The following RERE variants were observed in gnomAD, a reference collection of about 807,000 sequenced individuals.
The protein encoded by RERE is arginine-glutamic acid dipeptide repeats protein.
In RERE, 40 loss-of-function variants were observed where a neutral mutation model predicts 146.1. That is an observed-to-expected ratio of 0.27 (90% CI 0.21 to 0.36). The LOEUF (loss-of-function observed/expected upper bound fraction) is 0.36, where lower values mean the gene tolerates loss of function less well. RERE is among the 10% of genes least tolerant of loss of function. The probability of loss-of-function intolerance (pLI) is 1.00; values close to 1 mark genes in which losing one functional copy is unlikely to be tolerated. For missense variants in RERE, 1,933 were observed against 2,138.7 expected, an observed-to-expected ratio of 0.90 and a Z score of 1.90; for synonymous variants, 1,003 against 866.0, an observed-to-expected ratio of 1.16 and a Z score of -2.78.
chr1:8,683,750 C>T (rs1639026665), intron 1 of RERE, among the ~76,000 whole-genome samples: 1 of 152,172 alleles, frequency 6.6e-6, no homozygotes, highest in Non-Finnish European at 1.5e-5. Flanking sequence ...TGAAACCAAT[C>T]TCACCAACAT....
intron 12 of RERE, among the ~76,000 whole-genome samples, chr1:8,408,973 G>T (rs1439586871): frequency 6.6e-6 from 1 of 152,154 alleles, no homozygotes; most frequent in African/African-American, 2.4e-5. Context: ...TGTGAGGTAG[G>T]AGAATGGTAT....
intron 10 of RERE, among the ~76,000 whole-genome samples, chr1:8,480,118 GCCT>G (rs1162864932): frequency 7.2e-6 from 1 of 138,030 alleles, no homozygotes; most frequent in Non-Finnish European, 1.5e-5. Flanking sequence ...TTTTATTAAA[GCCT>G]TTTTTTGTTT....
At chr1:8,556,624 A>T in intron 5 of RERE, 53 bp from the exon 6 acceptor site, 1 of 1,151,012 alleles carries the variant, frequency 8.7e-7, no homozygotes. Flanking sequence ...CAAAACAAGT[A>T]AAAAAAATTT....
chr1:8,568,937 C>A (rs1646184986), intron 4 of RERE, among the ~76,000 whole-genome samples: 1 of 152,156 alleles, frequency 6.6e-6, no homozygotes, highest in Admixed American at 6.5e-5. Context: ...TACTAAATGT[C>A]AGATTCAGCT....
chr1:8,390,880 C>T (rs183895446), intron 12 of RERE, among the ~76,000 whole-genome samples: 6 of 152,274 alleles, frequency 3.9e-5, no homozygotes, highest in Non-Finnish European at 5.9e-5. Flanking sequence ...CTCTGATTTG[C>T]CACTTCTGAT....
chr1:8,739,674 C>A (rs1011208602), intron 1 of RERE, among the ~76,000 whole-genome samples: 1 of 152,022 alleles, frequency 6.6e-6, no homozygotes, highest in Non-Finnish European at 1.5e-5. Context: ...CAATAACTGA[C>A]ACAAGCACAC....
In RERE at chr1:8,353,376, T is replaced by C. The variant is rs980892917; in HGVS notation, c.*1711A>G. The stretch of plus-strand genomic sequence containing the variant: ...AGCTGCTGGTTTCTAGATCAAACTA[T>C]CAGCATCTCTTCCTGCTCCCTCTGC... On this transcript the variant is annotated 3_prime_UTR_variant, in exon 23 of 23. Transcript: ENST00000400908. 1 of 152,234 alleles carries C rather than the reference T, an allele frequency of 6.6e-6. No homozygotes were observed. Among genetic ancestry groups the C allele is most frequent in the African/African-American group, 2.4e-5 (1 of 41,472 alleles). The allele number at this position is 152,234 out of a possible 1,614,324, so 9.4% of individuals were successfully genotyped here. A position where few individuals can be genotyped will look rare whatever the true frequency, so the allele number is the denominator to read the frequency against.
intron 1 of RERE, among the ~76,000 whole-genome samples, chr1:8,758,234 C>T (rs1038966203): frequency 3.3e-5 from 5 of 151,940 alleles, no homozygotes; most frequent in South Asian, 2.1e-4. Context: ...TACAGGCCTG[C>T]GCCACCATGC....
chr1:8,560,789 G>C (rs1244318764), intron 4 of RERE, among the ~76,000 whole-genome samples: 1 of 152,094 alleles, frequency 6.6e-6, no homozygotes, highest in Non-Finnish European at 1.5e-5. Context: ...ACCAGAACTT[G>C]GTTTCCTACA....
chr1:8,359,736 C>T (rs771521180), intron 19 of RERE, 28 bp downstream of exon 19: 29 of 1,595,706 alleles, frequency 1.8e-5, no homozygotes, highest in Admixed American at 6.7e-5. Context: ...CAGCGCCCCC[C>T]GTCACACCTC....
intron 1 of RERE, among the ~76,000 whole-genome samples, chr1:8,769,463 T>C (rs150425774): frequency 6.6e-6 from 1 of 152,074 alleles, no homozygotes; most frequent in African/African-American, 2.4e-5. Flanking sequence ...CAAACCACTA[T>C]AAAGGATGTA....
rs748973740 is a variant in RERE, at chr1:8,364,178, C to T, written c.1618G>A (p.Gly540Ser). The T allele has an allele frequency of 8.4e-5, 135 of 1,614,126 alleles. No individual in the cohort carries two copies. The highest frequency in any genetic ancestry group is 5.3e-4 in the East Asian group (24 of 44,876). The change falls in exon 15 of 23, where the codon GGT becomes AGT. Residue 540 changes from glycine to serine, a missense_variant. Physicochemically the swap from Gly to Ser is moderately conservative, Grantham distance 56. Transcript: ENST00000400908. The surrounding 1 kb of genome is among the most constrained non-coding windows in gnomAD (Gnocchi z 5.1). ...TDCRIHFKKY[G>S]ELPPIEKPVD... ...GGCTTCTCAATGGGCGGGAGCTCAC[C>T]GTATTTCTTGAAGTGGATGCGACAG...
chr1:8,491,355 G>C (rs536530737), intron 10 of RERE, among the ~76,000 whole-genome samples: 1 of 152,144 alleles, frequency 6.6e-6, no homozygotes, highest in Non-Finnish European at 1.5e-5. Flanking sequence ...CAGGAGAATC[G>C]CTTGAACCTG....
chr1:8,386,603 T>C (rs886398358), intron 12 of RERE, among the ~76,000 whole-genome samples: 3 of 108,678 alleles, frequency 2.8e-5, no homozygotes, highest in East Asian at 4.6e-4. Flanking sequence ...GGACAATCCA[T>C]TGAAAAATAA....
intron 1 of RERE, chr1:8,751,102 C>T (rs1557520688): frequency 2.1e-6 from 1 of 468,102 alleles, no homozygotes; most frequent in Non-Finnish European, 3.9e-6. Flanking sequence ...CCTTGACTAT[C>T]TACAATATAA....
intron 1 of RERE, among the ~76,000 whole-genome samples, chr1:8,733,785 T>A (rs2124491660): frequency 6.6e-6 from 1 of 152,338 alleles, no homozygotes; most frequent in South Asian, 2.1e-4. Flanking sequence ...TGGAGGTATT[T>A]TGTTACATAT....
At chr1:8,454,452 C>G (rs1644426286) in intron 11 of RERE, among the ~76,000 whole-genome samples, 4 of 152,046 alleles carry the variant, frequency 2.6e-5, no homozygotes, top group Admixed American at 2.6e-4. Flanking sequence ...CTGCCAGCAC[C>G]TCAGAATTTT....
intron 8 of RERE, among the ~76,000 whole-genome samples, chr1:8,498,766 C>CACACACACACACACACACAG (rs1056858982): frequency 6.7e-6 from 1 of 149,278 alleles, no homozygotes; most frequent in African/African-American, 2.5e-5. Flanking sequence ...CACACACACA[C>CACACACACACACACACACAG]ACATATGTAG....
At position 8,423,820 on chromosome 1, in the gene RERE, G is replaced by T; in HGVS notation, c.1204-1013C>A. The T allele has an allele frequency of 2.2e-6, 1 of 459,382 alleles. No homozygotes were observed. The highest frequency in any genetic ancestry group is 2.8e-6 in the Non-Finnish European group (1 of 351,690). 28.5% of individuals were successfully genotyped at this position (459,382 alleles called of 1,614,324 possible). The stretch of plus-strand genomic sequence containing the variant: ...CGCAGAGCCCGGCGCGGCCGCGGGC[G>T]GCTGCAAAAGGCGGCCTGGATTGCC... On this transcript the variant is annotated intron_variant, in intron 11 of 22. Coordinates refer to ENST00000400908, the MANE Select transcript of RERE (RefSeq NM_001042681.2). The surrounding 1 kb of genome is among the most constrained non-coding windows in gnomAD (Gnocchi z 5.4).
Sources: gnomAD v4.1 joint callset for allele counts (sites outside exome capture counted in the v4.1 genomes callset) on GRCh38, gnomAD v4.1.1 for gene constraint, Gnocchi (gnomAD v3.1) non-coding constraint, MANE v1.5 for transcripts, NCBI Gene and HGNC (gene_info 2026-07-23, HGNC 2026-07-21) for gene names.